The following KAZN variants were observed in gnomAD, a reference collection of about 807,000 sequenced individuals.
KAZN encodes kazrin.
Under a neutral mutation model 87.4 loss-of-function variants are expected in KAZN, and 40 were observed. That is an observed-to-expected ratio of 0.46 (90% CI 0.36 to 0.60). The LOEUF is 0.60. Among genes scored for constraint, KAZN ranks in the 20% least tolerant of loss-of-function variants. The pLI is 0.00. For missense variants in KAZN, 898 were observed against 1,073.9 expected, an observed-to-expected ratio of 0.84 and a Z score of 2.29; for synonymous variants, 466 against 458.3, an observed-to-expected ratio of 1.02 and a Z score of -0.22.
intron 1 of KAZN, among the ~76,000 whole-genome samples, chr1:14,779,334 G>C (rs1173593216): frequency 1.3e-5 from 2 of 152,158 alleles, no homozygotes; most frequent in Non-Finnish European, 2.9e-5. Context: ...AGGCAGTGTG[G>C]GCCCCCCGGC....
intron 1 of KAZN, among the ~76,000 whole-genome samples, chr1:14,138,187 T>G (rs1645153020): frequency 6.6e-6 from 1 of 151,874 alleles, no homozygotes; most frequent in Non-Finnish European, 1.5e-5. Context: ...TATATAGAAA[T>G]GTATTCTAGC....
chr1:14,149,890 CAG>C (rs1437206414), intron 1 of KAZN, among the ~76,000 whole-genome samples: 1 of 152,132 alleles, frequency 6.6e-6, no homozygotes, highest in African/African-American at 2.4e-5. Flanking sequence ...ACAGACTCAA[CAG>C]AGGAAAACCG....
intron 5 of KAZN, among the ~76,000 whole-genome samples, chr1:15,058,349 G>A (rs779592745): frequency 1.3e-5 from 2 of 152,234 alleles, no homozygotes; most frequent in Non-Finnish European, 2.9e-5. Context: ...TCCAAAGCCA[G>A]GGCTCCTTCA....
At chr1:14,320,298 C>T (rs1432679688) in intron 2 of KAZN, among the ~76,000 whole-genome samples, 1 of 152,074 alleles carries the variant, frequency 6.6e-6, no homozygotes, top group African/African-American at 2.4e-5. Flanking sequence ...ATAGGTTCCT[C>T]AAAATGTCTG....
At chr1:14,518,167 CTT>C (rs1423313088) in intron 2 of KAZN, among the ~76,000 whole-genome samples, 1 of 119,144 alleles carries the variant, frequency 8.4e-6, no homozygotes, top group Non-Finnish European at 1.7e-5. Context: ...TAACTGGAGT[CTT>C]TTTGAAGGCT....
chr1:14,002,039 G>T (rs1288997786), intron 1 of KAZN, among the ~76,000 whole-genome samples: 1 of 152,106 alleles, frequency 6.6e-6, no homozygotes, highest in Non-Finnish European at 1.5e-5. Context: ...CACAACAAAA[G>T]AAACTATTAT....
At chr1:14,129,427 G>A (rs760559571) in intron 1 of KAZN, among the ~76,000 whole-genome samples, 61 of 152,302 alleles carry the variant, frequency 4.0e-4, no homozygotes, top group Middle Eastern at 6.8e-3. Context: ...ATTCCTTCAA[G>A]CATCAGGCCT....
intron 1 of KAZN, among the ~76,000 whole-genome samples, chr1:14,789,760 C>CAAAAAAAAAAAAAAAA (rs3032757): frequency 2.2e-4 from 10 of 46,250 alleles, no homozygotes; most frequent in African/African-American, 8.3e-4. Context: ...TCCTCATTAC[C>CAAAAAAAAAAAAAAAA]AAAAAAAAAA....
chr1:14,503,210 G>T (rs190652083), intron 2 of KAZN, among the ~76,000 whole-genome samples: 1 of 152,048 alleles, frequency 6.6e-6, no homozygotes, highest in South Asian at 2.1e-4. Flanking sequence ...CTGGCCGTGC[G>T]TGGTGGCTCG....
At chr1:14,317,556 T>C (rs1160532625) in intron 2 of KAZN, among the ~76,000 whole-genome samples, 1 of 152,014 alleles carries the variant, frequency 6.6e-6, no homozygotes, top group African/African-American at 2.4e-5. Context: ...TGCTGAAGTC[T>C]ATTATTTTGC....
chr1:14,409,249 A>AT (rs1345915833), intron 2 of KAZN, among the ~76,000 whole-genome samples: 2 of 152,228 alleles, frequency 1.3e-5, no homozygotes. Flanking sequence ...GTGAAAAGCC[A>AT]TCTTAACACA....
chr1:14,648,526 C>A (rs1263174667), intron 1 of KAZN, among the ~76,000 whole-genome samples: 2 of 152,114 alleles, frequency 1.3e-5, no homozygotes, highest in African/African-American at 4.8e-5. Context: ...TTGTCCCCTC[C>A]TCTCTGTCCC....
chr1:14,506,224 A>G (rs78903068), intron 2 of KAZN, among the ~76,000 whole-genome samples: 4,905 of 152,252 alleles, frequency 0.032, 204 homozygotes, highest in East Asian at 0.17. Context: ...CTCTTTGCTT[A>G]AGAGGACATG....
At chr1:14,451,422 A>G (rs1477278845) in intron 2 of KAZN, among the ~76,000 whole-genome samples, 8 of 152,146 alleles carry the variant, frequency 5.3e-5, no homozygotes, top group Admixed American at 5.2e-4. Flanking sequence ...GTGGGAGCAC[A>G]TGGTTACAGA....
chr1:14,947,492 G>A (rs984638971), intron 1 of KAZN, among the ~76,000 whole-genome samples: 11 of 152,188 alleles, frequency 7.2e-5, no homozygotes, highest in Admixed American at 2.0e-4. Flanking sequence ...CAGTTTCAAC[G>A]CTGTGCCCAA....
At chr1:14,665,164 T>C (rs544670345) in intron 1 of KAZN, among the ~76,000 whole-genome samples, 1 of 152,312 alleles carries the variant, frequency 6.6e-6, no homozygotes, top group Admixed American at 6.5e-5. Flanking sequence ...TCATCTTGTG[T>C]CACACCACCA....
In KAZN at chr1:14,608,541, A is replaced by G. The variant is rs1182317671; in HGVS notation, c.226+9318A>G. Among the ~76,000 whole-genome samples, 4 of 152,348 alleles carry G rather than the reference A, an allele frequency of 2.6e-5. No homozygotes were observed. In the East Asian group the frequency reaches 7.7e-4, roughly 29 times the overall value. ...AACTGGCTGTGATAGATTATTAAAA[A>G]GTACAACTGTTTGGATAGATTGGAA... On this transcript the variant is annotated intron_variant, in intron 1 of 14. Transcript: ENST00000376030.
At chr1:14,463,713 C>A (rs184425124) in intron 2 of KAZN, among the ~76,000 whole-genome samples, 3 of 152,040 alleles carry the variant, frequency 2.0e-5, no homozygotes, top group Non-Finnish European at 2.9e-5. Flanking sequence ...ATCCAGGCAC[C>A]GTCCTCAGCC....
At chr1:15,040,676 G>T (rs760125636) in intron 3 of KAZN, among the ~76,000 whole-genome samples, 58 of 151,966 alleles carry the variant, frequency 3.8e-4, no homozygotes, top group Non-Finnish European at 6.6e-4. Context: ...TGAGGCAGGA[G>T]AATTGCTTGG....
Sources: allele counts gnomAD v4.1 joint callset (sites outside exome capture counted in the v4.1 genomes callset), GRCh38; gene constraint gnomAD v4.1.1; transcripts MANE v1.5; gene names NCBI Gene and HGNC (gene_info 2026-07-23, HGNC 2026-07-21).